Variants in ARHGAP24 observed in about 807,000 individuals in gnomAD.
ARHGAP24 encodes Rho GTPase activating protein 24, also known as rho GTPase-activating protein 24.
In ARHGAP24, 50 loss-of-function variants were observed where a neutral mutation model predicts 76.4. The ratio of observed to expected loss-of-function variants is 0.65; its 90% CI spans 0.52 to 0.83. The LOEUF (loss-of-function observed/expected upper bound fraction) is 0.83, where lower values mean the gene tolerates loss of function less well. Ranked by LOEUF, ARHGAP24 falls within the 40% of genes least tolerant of loss-of-function variation. ARHGAP24 has a pLI of 0.00. For missense variants in ARHGAP24, 930 were observed against 914.2 expected (o/e 1.02, Z -0.22); for synonymous variants, 345 against 323.3 (o/e 1.07, Z -0.72).
At chr4:85,817,265 T>C (rs747647033) in intron 3 of ARHGAP24, among the ~76,000 whole-genome samples, 1 of 152,242 alleles carries the variant, frequency 6.6e-6, no homozygotes, top group Non-Finnish European at 1.5e-5. Context: ...TTTAGTTTGA[T>C]ATAATTCCAT....
intron 1 of ARHGAP24, among the ~76,000 whole-genome samples, chr4:85,511,647 TAG>T (rs1181946253): frequency 6.6e-6 from 1 of 152,104 alleles, no homozygotes; most frequent in Non-Finnish European, 1.5e-5. Context: ...GTATTTTTAG[TAG>T]AGACAGGGTT....
intron 1 of ARHGAP24, among the ~76,000 whole-genome samples, chr4:85,507,680 G>A (rs539656865): frequency 1.8e-4 from 27 of 152,256 alleles, no homozygotes; most frequent in South Asian, 4.1e-4. Flanking sequence ...CTTCTTCACC[G>A]GGTTGTGGAA....
At chr4:85,728,475 T>G (rs1353454121) in intron 3 of ARHGAP24, among the ~76,000 whole-genome samples, 1 of 152,184 alleles carries the variant, frequency 6.6e-6, no homozygotes, top group Admixed American at 6.6e-5. Context: ...GTGCATAAAC[T>G]GTTATTTGTA....
intron 3 of ARHGAP24, among the ~76,000 whole-genome samples, chr4:85,898,062 TA>T (rs1268440468): frequency 1.3e-5 from 2 of 148,432 alleles, no homozygotes; most frequent in South Asian, 2.1e-4. Context: ...TATATATAAT[TA>T]TTTTTTTATT....
At chr4:85,786,534 T>C (rs904945388) in intron 3 of ARHGAP24, among the ~76,000 whole-genome samples, 1 of 152,230 alleles carries the variant, frequency 6.6e-6, no homozygotes, top group African/African-American at 2.4e-5. Flanking sequence ...CAGCTCCCAA[T>C]GCTCCACAGT....
At chr4:85,489,835 T>A (rs1432297602) in intron 1 of ARHGAP24, among the ~76,000 whole-genome samples, 1 of 152,190 alleles carries the variant, frequency 6.6e-6, no homozygotes, top group African/African-American at 2.4e-5. Context: ...TAGAACTTAC[T>A]TGTTTAGCAA....
In ARHGAP24 at chr4:86,001,227, T is replaced by G. The variant is rs546649163; in HGVS notation, c.*505T>G. 11 of 399,056 alleles carry G rather than the reference T, an allele frequency of 2.8e-5. No individual in the cohort carries two copies. The highest frequency in any genetic ancestry group is 8.8e-5 in the Admixed American group (2 of 22,742). 24.7% of individuals were successfully genotyped at this position (399,056 alleles called of 1,614,324 possible). ...AGTTATTAAAATCAGAAGAATACTTTGTGGCTGTGCTGTTTGTGCCAATAG... is the reference window on the plus strand; with the variant it reads ...AGTTATTAAAATCAGAAGAATACTTGGTGGCTGTGCTGTTTGTGCCAATAG... On this transcript the variant is annotated 3_prime_UTR_variant, in exon 10 of 10. Transcript: ENST00000395184.
intron 8 of ARHGAP24, among the ~76,000 whole-genome samples, chr4:85,982,180 T>C (rs10014733): frequency 0.012 from 1,883 of 151,946 alleles, 31 homozygotes; most frequent in African/African-American, 0.043. Flanking sequence ...TTCCTAGAAG[T>C]CAGTGTTTTT....
chr4:85,904,900 G>A (rs4147415), intron 3 of ARHGAP24, among the ~76,000 whole-genome samples: 98,356 of 152,044 alleles, frequency 0.65, 32,595 homozygotes, highest in East Asian at 0.99. Context: ...TTGTTGGTGA[G>A]TGATCTTTTT....
chr4:85,994,520 A>G (rs1315348605), intron 8 of ARHGAP24, 63 bp from the exon 9 acceptor site: 3 of 1,481,760 alleles, frequency 2.0e-6, no homozygotes, highest in Non-Finnish European at 2.8e-6. Context: ...TAAGAGTCAC[A>G]TTGAAATAGA....
intron 3 of ARHGAP24, 118 bp from the exon 4 acceptor site, chr4:85,923,530 G>T: frequency 7.2e-7 from 1 of 1,395,720 alleles, no homozygotes. Flanking sequence ...TTCATCATTG[G>T]GTAGAACTTA....
chr4:85,717,282 CAT>C (rs996284858), intron 2 of ARHGAP24, among the ~76,000 whole-genome samples: 3 of 152,048 alleles, frequency 2.0e-5, no homozygotes, highest in African/African-American at 7.2e-5. Flanking sequence ...AGTTTCTGTA[CAT>C]GTTTCTTAAC....
chr4:85,816,817 T>G (rs994890870), intron 3 of ARHGAP24, among the ~76,000 whole-genome samples: 2 of 152,190 alleles, frequency 1.3e-5, no homozygotes, highest in Non-Finnish European at 2.9e-5. Flanking sequence ...GTAATTCTAT[T>G]TTTAATTTTT....
chr4:85,753,289 G>T (rs1390976559), intron 3 of ARHGAP24, among the ~76,000 whole-genome samples: 18 of 152,002 alleles, frequency 1.2e-4, no homozygotes, highest in African/African-American at 3.9e-4. Flanking sequence ...CTTTTTCTGG[G>T]TTATGGGCAT....
intron 2 of ARHGAP24, among the ~76,000 whole-genome samples, chr4:85,632,027 A>C (rs1721174312): frequency 6.6e-6 from 1 of 152,048 alleles, no homozygotes; most frequent in African/African-American, 2.4e-5. Context: ...ATTTATGGAA[A>C]GTTTTCTTGA....
chr4:85,992,997 A>G (rs975937097), intron 8 of ARHGAP24, among the ~76,000 whole-genome samples: 2 of 152,124 alleles, frequency 1.3e-5, no homozygotes, highest in Non-Finnish European at 2.9e-5. Flanking sequence ...CCTTGATCAC[A>G]TCGTCTCTGT....
intron 3 of ARHGAP24, among the ~76,000 whole-genome samples, chr4:85,755,168 G>A (rs1409909623): frequency 2.6e-5 from 4 of 152,164 alleles, no homozygotes; most frequent in Non-Finnish European, 4.4e-5. Flanking sequence ...CCAATTTTCT[G>A]TGAGGTTAGT....
intron 3 of ARHGAP24, among the ~76,000 whole-genome samples, chr4:85,791,443 G>T (rs1042593049): frequency 6.6e-6 from 1 of 152,194 alleles, no homozygotes; most frequent in Non-Finnish European, 1.5e-5. Context: ...TACCAAGATA[G>T]TTATGAAAGG....
intron 2 of ARHGAP24, among the ~76,000 whole-genome samples, chr4:85,701,006 A>G (rs1226648279): frequency 6.6e-6 from 1 of 152,194 alleles, no homozygotes; most frequent in Non-Finnish European, 1.5e-5. Context: ...ATGAATTAAG[A>G]TGATCTGGAA....
Sources: gnomAD v4.1 joint callset for allele counts (sites outside exome capture counted in the v4.1 genomes callset) on GRCh38, gnomAD v4.1.1 for gene constraint, MANE v1.5 for transcripts, NCBI Gene and HGNC (gene_info 2026-07-23, HGNC 2026-07-21) for gene names.